TMED3: variants seen among roughly 807,000 people sequenced by gnomAD.
TMED3 encodes transmembrane p24 trafficking protein 3, also known as transmembrane emp24 domain-containing protein 3.
In TMED3, 9 loss-of-function variants were observed where a neutral mutation model predicts 15.0. The ratio of observed to expected loss-of-function variants is 0.60; its 90% CI spans 0.36 to 1.04. The LOEUF is 1.04. Ranked by LOEUF, TMED3 falls within the 50% of genes least tolerant of loss-of-function variation. The pLI is 0.01. For synonymous variants in TMED3, 117 were observed against 121.4 expected (o/e 0.96, Z 0.24); for missense variants, 267 against 278.9 (o/e 0.96, Z 0.30).
chr15:79,411,185 C>G (rs1473130231), intron 2 of TMED3, among the ~76,000 whole-genome samples: 1 of 152,178 alleles, frequency 6.6e-6, no homozygotes, highest in Non-Finnish European at 1.5e-5. Context: ...TTCAATTTAT[C>G]TTGTGGTTCC....
chr15:79,333,129 A>C (rs2058815536), intron 2 of TMED3, among the ~76,000 whole-genome samples: 1 of 152,226 alleles, frequency 6.6e-6, no homozygotes, highest in African/African-American at 2.4e-5. Context: ...CAAAGAACCA[A>C]AAGTCGGAGT....
intron 2 of TMED3, among the ~76,000 whole-genome samples, chr15:79,348,247 T>C (rs942899941): frequency 6.6e-6 from 1 of 152,172 alleles, no homozygotes; most frequent in Admixed American, 6.5e-5. Flanking sequence ...GTCACACAGA[T>C]AGTGGCCTGC....
At chr15:79,404,810 A>C (rs897160427) in intron 2 of TMED3, among the ~76,000 whole-genome samples, 1 of 152,216 alleles carries the variant, frequency 6.6e-6, no homozygotes, top group African/African-American at 2.4e-5. Context: ...CATGTCCCTC[A>C]TGACCACCCC....
chr15:79,312,660 A>C (rs1380144681), intron 1 of TMED3, among the ~76,000 whole-genome samples: 1 of 152,140 alleles, frequency 6.6e-6, no homozygotes, highest in African/African-American at 2.4e-5. Flanking sequence ...ATTTTGCTTT[A>C]TGTGGGTCTT....
intron 2 of TMED3, among the ~76,000 whole-genome samples, chr15:79,321,507 G>A (rs1031672607): frequency 6.6e-6 from 1 of 152,206 alleles, no homozygotes; most frequent in African/African-American, 2.4e-5. Flanking sequence ...AATAGAATGA[G>A]CATGAGCAGT....
At chr15:79,370,201 C>A (rs1893311173) in intron 2 of TMED3, among the ~76,000 whole-genome samples, 1 of 151,810 alleles carries the variant, frequency 6.6e-6, no homozygotes, top group South Asian at 2.1e-4. Context: ...AGTGATTCTC[C>A]TGCCTCAGCT....
chr15:79,367,886 CT>C (rs749459373), intron 2 of TMED3, among the ~76,000 whole-genome samples: 2 of 152,132 alleles, frequency 1.3e-5, no homozygotes, highest in Non-Finnish European at 2.9e-5. Context: ...GGAAGAGAAG[CT>C]TTGTTGAAAA....
Position 79,386,719 on chromosome 15 carries a change from T to TA in TMED3, c.418-24681_418-24680insA, listed in dbSNP as rs1319526196. Among the ~76,000 whole-genome samples, 596 of 147,388 alleles carry TA rather than the reference T, an allele frequency of 4.0e-3. 5 individuals carry two copies. The highest frequency in any genetic ancestry group is 0.014 in the African/African-American group (574 of 40,012). ...ATGCCTGGCTATTTTTTTTTTTTTT[T>TA]TGTATTTTTAGTAGAGACGGGGTTT... On this transcript the variant is annotated intron_variant, in intron 2 of 2. Transcript: ENST00000424155.
chr15:79,370,302 C>T (rs1286446393), intron 2 of TMED3, among the ~76,000 whole-genome samples: 4 of 131,882 alleles, frequency 3.0e-5, no homozygotes, highest in African/African-American at 1.2e-4. Flanking sequence ...GCAATAGCAG[C>T]AGCAGCTCAA....
At chr15:79,399,162 C>T (rs1358598144) in intron 2 of TMED3, among the ~76,000 whole-genome samples, 1 of 152,148 alleles carries the variant, frequency 6.6e-6, no homozygotes, top group Non-Finnish European at 1.5e-5. Context: ...CCACCTGCCT[C>T]GGCCTCCCAA....
chr15:79,370,374 G>C (rs57662202), intron 2 of TMED3, among the ~76,000 whole-genome samples: 50,871 of 150,464 alleles, frequency 0.34, 8,703 homozygotes, highest in East Asian at 0.54. Context: ...AGCTCCTGCA[G>C]CTTCCACAGG....
intron 2 of TMED3, among the ~76,000 whole-genome samples, chr15:79,386,719 T>A (rs1385941786): frequency 4.1e-5 from 6 of 147,266 alleles, no homozygotes; most frequent in African/African-American, 1.5e-4. Flanking sequence ...TTTTTTTTTT[T>A]TGTATTTTTA....
chr15:79,361,664 C>T (rs746438187), intron 2 of TMED3, among the ~76,000 whole-genome samples: 2 of 151,962 alleles, frequency 1.3e-5, no homozygotes, highest in African/African-American at 4.8e-5. Flanking sequence ...AGAACTTACT[C>T]ATGTAATCAA....
At chr15:79,396,999 C>T (rs935368657) in intron 2 of TMED3, among the ~76,000 whole-genome samples, 5 of 152,112 alleles carry the variant, frequency 3.3e-5, no homozygotes, top group Admixed American at 6.5e-5. Flanking sequence ...TGGACAGTGC[C>T]GGCCAAAGCA....
At chr15:79,398,013 C>T (rs1292490152) in intron 2 of TMED3, among the ~76,000 whole-genome samples, 6 of 152,172 alleles carry the variant, frequency 3.9e-5, no homozygotes, top group Non-Finnish European at 5.9e-5. Context: ...CCATAGTTTA[C>T]GTTAGAGTTC....
chr15:79,376,092 GTTTTTTTTTTTTTTTTTTTTTTT>G (rs199728545), intron 2 of TMED3, among the ~76,000 whole-genome samples: 1 of 112,062 alleles, frequency 8.9e-6, no homozygotes, highest in African/African-American at 3.6e-5. Context: ...CTAGAGAAAG[GTTTTTTTTTTTTTTTTTTTTTTT>G]TTTTTTTTTT....
At chr15:79,395,714 G>A (rs1029718131) in intron 2 of TMED3, among the ~76,000 whole-genome samples, 1 of 152,082 alleles carries the variant, frequency 6.6e-6, no homozygotes, top group East Asian at 1.9e-4. Context: ...ATGAATTCCT[G>A]TGTGTTTCAT....
chr15:79,389,748 A>T (rs778905434), intron 2 of TMED3, among the ~76,000 whole-genome samples: 1 of 151,758 alleles, frequency 6.6e-6, no homozygotes, highest in Non-Finnish European at 1.5e-5. Context: ...CCATTTTTTG[A>T]TGTCATCTGT....
chr15:79,362,853 T>C (rs75420834), intron 2 of TMED3, among the ~76,000 whole-genome samples: 1 of 152,194 alleles, frequency 6.6e-6, no homozygotes, highest in African/African-American at 2.4e-5. Context: ...TCTTTTCTTT[T>C]TAAATTACCC....
Sources: gnomAD v4.1 joint callset for allele counts (sites outside exome capture counted in the v4.1 genomes callset) on GRCh38, gnomAD v4.1.1 for gene constraint, MANE v1.5 for transcripts, NCBI Gene and HGNC (gene_info 2026-07-23, HGNC 2026-07-21) for gene names.